The following ZNF469 variants were observed in gnomAD, a reference collection of about 807,000 sequenced individuals.
ZNF469 encodes the protein zinc finger protein 469.
Under a neutral mutation model 1.0 loss-of-function variants are expected in ZNF469, and 1 was observed. The observed-to-expected ratio is 1.00, with a 90% CI of 0.35 to 4.73. ZNF469 has a LOEUF of 4.73. ZNF469 is among the 30% of genes most tolerant of loss of function. ZNF469 has a pLI of 0.16. For missense variants in ZNF469, 6,100 were observed against 5,356.3 expected (o/e 1.14, Z -4.33); for synonymous variants, 2,703 against 2,363.4 (o/e 1.14, Z -4.17).
At chr16:88,227,716 G>A in the ZNF469 span, among the ~76,000 whole-genome samples, 4 of 152,152 alleles carry the variant, frequency 2.6e-5, no homozygotes, top group African/African-American at 9.7e-5. Context: ...AACAATGATG[G>A]AGACGTTGTT....
chr16:88,341,155 T>G, the ZNF469 span, among the ~76,000 whole-genome samples: 1 of 152,186 alleles, frequency 6.6e-6, no homozygotes, highest in Non-Finnish European at 1.5e-5. Flanking sequence ...CTCTACCTAT[T>G]TTGTACAATC....
rs1906471386 is a variant in ZNF469 at position 88,435,024 on chromosome 16, C to T, written c.7554C>T (p.Pro2518=). The change falls in exon 3 of 3, where the codon CCC becomes CCT. Residue 2518 remains proline, a synonymous_variant. Coordinates refer to ENST00000565624, the MANE Select transcript of ZNF469 (RefSeq NM_001367624.2). ...TGCCTGCTCAGCAGCCTCTAGAGCC[C>T]CTAGCCCAAAAGTGCCAGCCGCCCA... ...AALPAQQPLE[P]LAQKCQPPRK... is the part of the protein sequence containing the mutation. 6.5e-7 allele frequency: 1 copy of T among 1,550,236 alleles called. No homozygotes were observed. The highest frequency in any genetic ancestry group is 1.4e-5 in the African/African-American group (1 of 73,046).
chr16:88,325,749 A>G, the ZNF469 span, among the ~76,000 whole-genome samples: 2 of 152,136 alleles, frequency 1.3e-5, no homozygotes, highest in African/African-American at 4.8e-5. Flanking sequence ...GGGCCTTGCC[A>G]CTCAAATGCT....
the ZNF469 span, among the ~76,000 whole-genome samples, chr16:88,109,556 T>G: frequency 2.6e-3 from 389 of 148,600 alleles, no homozygotes; most frequent in Non-Finnish European, 4.9e-3. Context: ...GTGCTGAGCA[T>G]CTGTGTCCAC....
the ZNF469 span, among the ~76,000 whole-genome samples, chr16:88,220,407 C>T: frequency 1.3e-5 from 2 of 152,138 alleles, no homozygotes; most frequent in Non-Finnish European, 2.9e-5. Context: ...GGATGATTTG[C>T]TGGGATTCCC....
the ZNF469 span, among the ~76,000 whole-genome samples, chr16:88,368,260 G>A: frequency 4.7e-4 from 72 of 152,316 alleles, no homozygotes; most frequent in African/African-American, 1.7e-3. Context: ...CAGAACCCAC[G>A]GGCAGATACT....
Position 88,393,083 on chromosome 16 carries a change from G to T in ZNF469, c.-192+9829G>T, listed in dbSNP as rs535888149. Among the ~76,000 whole-genome samples the T allele has an allele frequency of 7.2e-5, 11 of 152,386 alleles. 1 individual carries two copies. In the South Asian group the frequency reaches 2.1e-3, roughly 29 times the overall value. ...CTGCAATCTCAGTAAACATCTGGCC[G>T]CAGGGCCTGGCAGGAAGCTGACCTC... On this transcript the variant is annotated intron_variant, in intron 1 of 2. Transcript: ENST00000565624.
At chr16:88,357,845 G>C in the ZNF469 span, among the ~76,000 whole-genome samples, 1 of 152,258 alleles carries the variant, frequency 6.6e-6, no homozygotes, top group African/African-American at 2.4e-5. Context: ...GCCGCCAGGT[G>C]TAGACAAGGG....
At chr16:88,122,292 C>T in the ZNF469 span, among the ~76,000 whole-genome samples, 3 of 151,430 alleles carry the variant, frequency 2.0e-5, no homozygotes, top group Non-Finnish European at 4.4e-5. Flanking sequence ...GCTACGGCCA[C>T]GATGGCCCCT....
chr16:88,431,291 A>T lies in ZNF469; in HGVS notation c.3821A>T (p.Asp1274Val). ...GAGCAGCCGCCGCCCAGCAGACATG[A>T]CACCGGCACCCCCAAGCCGTCGGGA... ...IPEQPPPSRH[D>V]TGTPKPSGSL... Residue 1274 changes from aspartate (D) to valine (V), a missense_variant, in exon 3 of 3, where the codon GAC (aspartate) becomes GTC (valine). Transcript: ENST00000565624. 3 of 1,550,190 alleles carry T rather than the reference A, an allele frequency of 1.9e-6. No homozygotes were observed. The South Asian group carries it at 3.6e-5, about 18-fold the overall frequency.
intron 1 of ZNF469, among the ~76,000 whole-genome samples, chr16:88,396,191 T>G (rs971896292): frequency 4.6e-5 from 7 of 152,282 alleles, no homozygotes; most frequent in Non-Finnish European, 7.3e-5. Flanking sequence ...AGAGAATTTC[T>G]TGGCTTGTGA....
intron 2 of ZNF469, among the ~76,000 whole-genome samples, chr16:88,425,422 C>T (rs923112812): frequency 2.6e-5 from 4 of 152,018 alleles, no homozygotes; most frequent in South Asian, 4.1e-4. Context: ...GTGTCTGGGC[C>T]ATGTGGGACA....
chr16:88,435,006 T>G lies in ZNF469; in HGVS notation c.7536T>G (p.Ala2512=). 1 of 1,550,264 alleles carries G rather than the reference T, an allele frequency of 6.5e-7. No homozygotes were observed. The highest frequency in any genetic ancestry group is 8.7e-7 in the Non-Finnish European group (1 of 1,146,976). Residue 2512 remains alanine, a synonymous_variant, in exon 3 of 3, where the codon GCT becomes GCG. Transcript: ENST00000565624. ...PAEPSPAALP[A]QQPLEPLAQK... ...AGCCGAGCCCAGCGGCCTTGCCTGC[T>G]CAGCAGCCTCTAGAGCCCCTAGCCC...
chr16:88,141,696 G>A, the ZNF469 span, among the ~76,000 whole-genome samples: 9 of 152,342 alleles, frequency 5.9e-5, no homozygotes, highest in South Asian at 1.2e-3. Context: ...AGGTCATCAC[G>A]GGCATCCTTG....
chr16:88,164,468 G>T, the ZNF469 span, among the ~76,000 whole-genome samples: 4 of 151,854 alleles, frequency 2.6e-5, no homozygotes, highest in Non-Finnish European at 1.5e-5. Flanking sequence ...TGGATAGATG[G>T]GTGGCCAGAT....
At chr16:88,276,951 G>A in the ZNF469 span, among the ~76,000 whole-genome samples, 99 of 144,220 alleles carry the variant, frequency 6.9e-4, 2 homozygotes, top group South Asian at 0.013. Context: ...ATATCAGTGC[G>A]TGGTTAGTGC....
the ZNF469 span, among the ~76,000 whole-genome samples, chr16:88,143,474 C>T: frequency 5.3e-5 from 8 of 152,246 alleles, no homozygotes; most frequent in African/African-American, 1.9e-4. Context: ...CTCCTTCCCC[C>T]TAAGACGCAA....
At chr16:88,289,630 A>T in the ZNF469 span, among the ~76,000 whole-genome samples, 1 of 152,130 alleles carries the variant, frequency 6.6e-6, no homozygotes, top group African/African-American at 2.4e-5. Context: ...GCTGAGAGAG[A>T]GAGAAATGAA....
intron 1 of ZNF469, among the ~76,000 whole-genome samples, chr16:88,402,124 T>C (rs1904900228): frequency 6.7e-6 from 1 of 149,290 alleles, no homozygotes; most frequent in African/African-American, 2.5e-5. Flanking sequence ...GGTGGATGGG[T>C]AGATGGATGG....
Sources: gnomAD v4.1 joint callset for allele counts (sites outside exome capture counted in the v4.1 genomes callset) on GRCh38, gnomAD v4.1.1 for gene constraint, MANE v1.5 for transcripts, NCBI Gene and HGNC (gene_info 2026-07-23, HGNC 2026-07-21) for gene names.